ABCA12: variants seen among roughly 807,000 people sequenced by gnomAD.
ABCA12 encodes the protein glucosylceramide transporter ABCA12.
In ABCA12, 156 loss-of-function variants were observed where a neutral mutation model predicts 293.5. That is an observed-to-expected ratio of 0.53 (90% CI 0.47 to 0.61). The LOEUF (loss-of-function observed/expected upper bound fraction) is 0.61. Among genes scored for constraint, ABCA12 ranks in the 20% least tolerant of loss-of-function variants. The probability of loss-of-function intolerance (pLI) is 0.00; values close to 1 mark genes in which losing one functional copy is unlikely to be tolerated. For missense variants in ABCA12, 2,797 were observed against 3,090.2 expected (o/e 0.91, Z 2.25); for synonymous variants, 1,063 against 1,108.0 (o/e 0.96, Z 0.81).
intron 11 of ABCA12, among the ~76,000 whole-genome samples, chr2:215,020,491 T>C (rs778881496): frequency 4.6e-5 from 7 of 152,190 alleles, no homozygotes; most frequent in Non-Finnish European, 1.0e-4. Flanking sequence ...GTCAAATTCA[T>C]AGCGACAGAA....
intron 32 of ABCA12, 122 bp downstream of exon 32, chr2:214,978,682 G>A: frequency 8.2e-7 from 1 of 1,219,074 alleles, no homozygotes; most frequent in Non-Finnish European, 1.2e-6. Context: ...CTGAAAAAAT[G>A]TTAAGCTTTT....
At chr2:215,065,536 G>A (rs1328403653) in intron 2 of ABCA12, among the ~76,000 whole-genome samples, 1 of 151,868 alleles carries the variant, frequency 6.6e-6, no homozygotes, top group Non-Finnish European at 1.5e-5. Flanking sequence ...AAATATGAAA[G>A]CTTGCCAGAA....
chr2:215,064,559 A>G (rs1701601683), intron 2 of ABCA12, among the ~76,000 whole-genome samples: 1 of 152,086 alleles, frequency 6.6e-6, no homozygotes, highest in South Asian at 2.1e-4. Flanking sequence ...ATCACAGTGT[A>G]TCCACATGAT....
chr2:215,102,131 C>G (rs1270943448), intron 2 of ABCA12, among the ~76,000 whole-genome samples: 1 of 152,140 alleles, frequency 6.6e-6, no homozygotes, highest in East Asian at 1.9e-4. Context: ...AACAATGGTT[C>G]TCTTTAGAGG....
At chr2:214,978,702 T>C in intron 32 of ABCA12, 102 bp downstream of exon 32, 1 of 1,318,662 alleles carries the variant, frequency 7.6e-7, no homozygotes, top group Non-Finnish European at 1.1e-6. Flanking sequence ...TCTAATTTTG[T>C]GAACTATTTT....
intron 1 of ABCA12, among the ~76,000 whole-genome samples, chr2:215,134,407 T>TGTACATATATGTATATGTGTATATATAC (rs1703143233): frequency 2.9e-5 from 4 of 135,882 alleles, no homozygotes; most frequent in African/African-American, 1.1e-4. Context: ...TGTGTATATA[T>TGTACATATATGTATATGTGTATATATAC]GTATATATGT....
intron 31 of ABCA12, among the ~76,000 whole-genome samples, chr2:214,979,574 G>A (rs1162083482): frequency 6.6e-6 from 1 of 151,722 alleles, no homozygotes; most frequent in Non-Finnish European, 1.5e-5. Flanking sequence ...AATAAGTGAT[G>A]TACTAATTGC....
chr2:214,963,196 G>A (rs1314033575), intron 39 of ABCA12: 2 of 150,018 alleles, frequency 1.3e-5, no homozygotes, highest in African/African-American at 4.9e-5. Context: ...AAAGAGAGAA[G>A]AGTCAAATAA....
intron 11 of ABCA12, among the ~76,000 whole-genome samples, chr2:215,021,355 A>C (rs1248745983): frequency 2.6e-5 from 4 of 152,216 alleles, no homozygotes. Context: ...TGCTTTAAAA[A>C]GTGCTTAAAG....
intron 3 of ABCA12, among the ~76,000 whole-genome samples, chr2:215,057,156 T>C (rs989630073): frequency 1.3e-5 from 2 of 152,190 alleles, no homozygotes; most frequent in East Asian, 1.9e-4. Context: ...AAGTACTTTA[T>C]AGAGTTAGAA....
At chr2:214,933,418 G>T (rs1698121476) in intron 52 of ABCA12, among the ~76,000 whole-genome samples, 1 of 152,052 alleles carries the variant, frequency 6.6e-6, no homozygotes, top group South Asian at 2.1e-4. Context: ...CCCACAAGAA[G>T]AGTTGTACAT....
At chr2:215,073,314 T>G (rs1299838031) in intron 2 of ABCA12, among the ~76,000 whole-genome samples, 2 of 152,164 alleles carry the variant, frequency 1.3e-5, no homozygotes, top group Non-Finnish European at 1.5e-5. Flanking sequence ...ATTTTTCCCC[T>G]CTAAATATAC....
In ABCA12 at chr2:214,958,414, A is replaced by G. The variant is rs1699017798; in HGVS notation, c.5980T>C (p.Leu1994=). ...LIDILVALSI[L]MGYSVTTASF... ...GCGGTGGTGACAGAGTAGCCCATCA[A>G]GATAGACAGTGCCACTAAAATATCG... The change falls in exon 41 of 53, where the codon TTG becomes CTG. Residue 1994 remains leucine, a synonymous_variant. Coordinates refer to ENST00000272895, the MANE Select transcript of ABCA12 (RefSeq NM_173076.3). 1.2e-6 allele frequency: 2 copies of G among 1,613,868 alleles called. No individual in the cohort carries two copies. Among genetic ancestry groups the G allele is most frequent in the Non-Finnish European group, 1.7e-6 (2 of 1,179,908 alleles).
intron 1 of ABCA12, among the ~76,000 whole-genome samples, chr2:215,118,830 G>T (rs1339182801): frequency 6.6e-6 from 1 of 152,120 alleles, no homozygotes; most frequent in Non-Finnish European, 1.5e-5. Flanking sequence ...GTCTGTTCAT[G>T]TCTTTTGCCC....
In ABCA12 at chr2:215,011,957, G is replaced by C; in HGVS notation, c.2121+14C>G. ...GCATTTTTCAACAAGAACATTACTG[G>C]GTGACTTTGCTACCTGTGTTAATGG... On this transcript the variant is annotated intron_variant, in intron 16 of 52. Coordinates refer to ENST00000272895, the MANE Select transcript of ABCA12 (RefSeq NM_173076.3). 1.2e-6 allele frequency: 2 copies of C among 1,613,038 alleles called. No homozygotes were observed. The highest frequency in any genetic ancestry group is 1.7e-6 in the Non-Finnish European group (2 of 1,179,596).
chr2:215,025,609 T>TC lies in ABCA12; in HGVS notation c.1287+63_1287+64insG. On this transcript the variant is annotated intron_variant, in intron 11 of 52. Coordinates refer to ENST00000272895, the MANE Select transcript of ABCA12 (RefSeq NM_173076.3). Reference sequence around the variant, plus strand: ...TATGAGAAGTGTTAAGGTTTTTTTTTTGTTTGTTTTGTCTTTTTGTTTTTT... The same window carrying TC: ...TATGAGAAGTGTTAAGGTTTTTTTTTCTGTTTGTTTTGTCTTTTTGTTTTTT... 3 of 1,107,350 alleles carry TC rather than the reference T, an allele frequency of 2.7e-6. No individual in the cohort carries two copies. The South Asian group carries it at 4.2e-5, about 15-fold the overall frequency. The allele number at this position is 1,107,350 out of a possible 1,614,324, so 68.6% of individuals were successfully genotyped here.
At chr2:215,067,020 G>A (rs183344116) in intron 2 of ABCA12, among the ~76,000 whole-genome samples, 1 of 152,144 alleles carries the variant, frequency 6.6e-6, no homozygotes, top group Non-Finnish European at 1.5e-5. Context: ...TCCTCTAGAA[G>A]TAATGTCTGA....
intron 2 of ABCA12, chr2:215,080,812 T>C (rs1701922496): frequency 6.5e-6 from 1 of 152,958 alleles, no homozygotes; most frequent in Non-Finnish European, 1.5e-5. Context: ...AAGTGCTGTA[T>C]TCCACTCGAT....
chr2:215,002,423 A>G (rs145089991), intron 20 of ABCA12, among the ~76,000 whole-genome samples: 2,033 of 152,304 alleles, frequency 0.013, 24 homozygotes, highest in Non-Finnish European at 0.021. Flanking sequence ...TTGTGAGGAA[A>G]TCAACCGGGA....
Sources: gnomAD v4.1 joint callset for allele counts (sites outside exome capture counted in the v4.1 genomes callset) on GRCh38, gnomAD v4.1.1 for gene constraint, MANE v1.5 for transcripts, NCBI Gene and HGNC (gene_info 2026-07-23, HGNC 2026-07-21) for gene names.